ACE: variants seen among roughly 807,000 people sequenced by gnomAD.
ACE encodes angiotensin-converting enzyme.
ACE carries 122 observed loss-of-function variants against 162.3 expected under a neutral mutation model. The observed-to-expected ratio is 0.75, with a 90% CI of 0.65 to 0.87. The LOEUF is 0.87. Ranked by LOEUF, ACE falls within the 40% of genes least tolerant of loss-of-function variation. The probability of loss-of-function intolerance (pLI) is 0.00; values close to 1 mark genes in which losing one functional copy is unlikely to be tolerated. For missense variants in ACE, 1,799 were observed against 1,735.1 expected, an observed-to-expected ratio of 1.04 and a Z score of -0.65; for synonymous variants, 796 against 720.6, an observed-to-expected ratio of 1.10 and a Z score of -1.68.
At chr17:63,489,179 T>C (rs1236373858) in intron 17 of ACE, 47 bp downstream of exon 17, 3 of 1,591,712 alleles carry the variant, frequency 1.9e-6, no homozygotes, top group Non-Finnish European at 2.6e-6. Flanking sequence ...CGGACCACAG[T>C]GTGAGTGAGG....
chr17:63,482,459 G>A lies in ACE; in HGVS notation c.1119-7G>A, dbSNP rs139399357. The A allele has an allele frequency of 3.7e-6, 6 of 1,613,384 alleles. No homozygotes were observed. Among genetic ancestry groups the A allele is most frequent in the Non-Finnish European group, 4.2e-6 (5 of 1,179,772 alleles). ...TCACTCTCACCCTCGCCCTCTCTAC[G>A]CCCCAGGATCAAGCAGTGCACACGG... On this transcript the variant is annotated splice_polypyrimidine_tract_variant and splice_region_variant and intron_variant, in intron 7 of 24. Coordinates refer to ENST00000290866, the MANE Select transcript of ACE (RefSeq NM_000789.4).
Position 63,491,605 on chromosome 17 carries a change from C to A in ACE, c.2912+224C>A, listed in dbSNP as rs541982406. 6.6e-6 allele frequency among the ~76,000 whole-genome samples: 1 copy of A among 152,154 alleles called. No homozygotes were observed. The highest frequency in any genetic ancestry group is 2.1e-4 in the South Asian group (1 of 4,828). On this transcript the variant is annotated intron_variant, in intron 19 of 24. Coordinates refer to ENST00000290866, the MANE Select transcript of ACE (RefSeq NM_000789.4). The surrounding 1 kb of genome is among the most constrained non-coding windows in gnomAD (Gnocchi z 4.4). The stretch of plus-strand genomic sequence containing the variant: ...CACGCAACAGCTCTGTCAGCCTGGC[C>A]GCTGGGAAGTGCTCAAGGTCCCAGT...
chr17:63,484,808 G>A lies in ACE; in HGVS notation c.1921+267G>A, dbSNP rs760384593. 4.6e-6 allele frequency: 7 copies of A among 1,506,438 alleles called. No homozygotes were observed. The highest frequency in any genetic ancestry group is 6.2e-6 in the Non-Finnish European group (7 of 1,127,370). 93.3% of individuals were successfully genotyped at this position (1,506,438 alleles called of 1,614,324 possible). A position where few individuals can be genotyped will look rare whatever the true frequency, so the allele number is the denominator to read the frequency against. ...ACACAAGGCTCTGTGAGGTCACACTGCGGGCTCCGCTCTTATTGGCCAGGG... is the reference window on the plus strand; with the variant it reads ...ACACAAGGCTCTGTGAGGTCACACTACGGGCTCCGCTCTTATTGGCCAGGG... On this transcript the variant is annotated intron_variant, in intron 12 of 24. Transcript: ENST00000290866. The surrounding 1 kb of genome is among the most constrained non-coding windows in gnomAD (Gnocchi z 4.0).
chr17:63,477,815 G>C lies in ACE; in HGVS notation c.250-116G>C, dbSNP rs533907376. 215 of 1,331,022 alleles carry C rather than the reference G, an allele frequency of 1.6e-4. No homozygotes were observed. In the South Asian group the frequency reaches 2.6e-3, roughly 16 times the overall value. 82.5% of individuals were successfully genotyped at this position (1,331,022 alleles called of 1,614,324 possible). On this transcript the variant is annotated intron_variant, in intron 1 of 24. Transcript: ENST00000290866. Reference sequence around the variant, plus strand: ...GGTCTCCCGCAGGGATCTCCCCAGGGCCCGGGCTCTGGAAGCCCTTGGCCT... The same window carrying C: ...GGTCTCCCGCAGGGATCTCCCCAGGCCCCGGGCTCTGGAAGCCCTTGGCCT...
At chr17:63,490,615 G>A in intron 17 of ACE, 1 of 381,858 alleles carries the variant, frequency 2.6e-6, no homozygotes, top group South Asian at 2.2e-5. Context: ...GCCAATAAGA[G>A]GTGGCCACCG....
chr17:63,483,567 G>GCGGGGCC lies in ACE; in HGVS notation c.1586+10_1586+11insGGGGCCC. 1.9e-6 allele frequency: 3 copies of GCGGGGCC among 1,589,556 alleles called. No homozygotes were observed. The highest frequency in any genetic ancestry group is 2.6e-6 in the Non-Finnish European group (3 of 1,165,662). ...GTGACACCATACATCAGGTATTAGC[G>GCGGGGCC]CCCCCACCCCACCCACCCCCAGTAC... On this transcript the variant is annotated intron_variant, in intron 10 of 24. Transcript: ENST00000290866.
intron 22 of ACE, among the ~76,000 whole-genome samples, chr17:63,495,635 T>G (rs553001717): frequency 6.6e-6 from 1 of 152,284 alleles, no homozygotes; most frequent in South Asian, 2.1e-4. Context: ...GCTGGAGTGG[T>G]CCCTGGGGTT....
Position 63,485,182 on chromosome 17 carries a change from A to T in ACE, c.1922-54A>T. 5.6e-6 allele frequency: 9 copies of T among 1,612,958 alleles called. 1 individual carries two copies. Among genetic ancestry groups the T allele is most frequent in the South Asian group, 4.4e-5 (4 of 90,878 alleles). On this transcript the variant is annotated intron_variant, in intron 12 of 24. Coordinates refer to ENST00000290866, the MANE Select transcript of ACE (RefSeq NM_000789.4). ...GATAATGGCTTCTGGTGAGACCACA[A>T]ACCTGGAGAGGGGAGGCAGAGGTTT...
At chr17:63,478,679 G>A (rs1472579054) in intron 2 of ACE, 14 of 416,686 alleles carry the variant, frequency 3.4e-5, no homozygotes, top group East Asian at 3.2e-4. Context: ...AAGAGAGAGA[G>A]AAAAGGTTGA....
chr17:63,486,926 AGGCCCCAGAGAGACC>A, intron 14 of ACE, 45 bp from the exon 15 acceptor site: 1 of 1,525,650 alleles, frequency 6.6e-7, no homozygotes, highest in Non-Finnish European at 9.1e-7. Context: ...GGGGTAGTGC[AGGCCCCAGAGAGACC>A]AAGTGCAAAG....
Position 63,484,263 on chromosome 17 carries a change from G to T in ACE, c.1710-67G>T. The T allele has an allele frequency of 1.3e-6, 2 of 1,526,896 alleles. No individual in the cohort carries two copies. The highest frequency in any genetic ancestry group is 4.8e-5 in the East Asian group (2 of 41,584). 94.6% of individuals were successfully genotyped at this position (1,526,896 alleles called of 1,614,324 possible). A position where few individuals can be genotyped will look rare whatever the true frequency, so the allele number is the denominator to read the frequency against. ...GGGCGGAAGTGGCCAGGGGCATGTG[G>T]GCCGGGGTCCAGGAGCAGACTCCAG... On this transcript the variant is annotated intron_variant, in intron 11 of 24. Transcript: ENST00000290866. This position sits in a 1 kb window ranked among gnomAD's most constrained non-coding sequence, Gnocchi z 4.0.
chr17:63,493,616 C>A lies in ACE; in HGVS notation c.3093C>A (p.His1031Gln). Residue 1031 changes from histidine (H) to glutamine (Q), a missense_variant, in exon 20 of 25, where the codon CAC (histidine) becomes CAA (glutamine). Transcript: ENST00000290866. ...CCCTCTCAGTGTCTACGCCCAAGCACCTGCACAGTCTCAACCTGCTGAGCA... is the reference window on the plus strand; with the variant it reads ...CCCTCTCAGTGTCTACGCCCAAGCAACTGCACAGTCTCAACCTGCTGAGCA... Reference protein sequence around the residue: ...VLALSVSTPKHLHSLNLLSSE... With the variant: ...VLALSVSTPKQLHSLNLLSSE... 6.2e-7 allele frequency: 1 copy of A among 1,614,146 alleles called. No individual in the cohort carries two copies. The highest frequency in any genetic ancestry group is 8.5e-7 in the Non-Finnish European group (1 of 1,180,022).
chr17:63,486,584 C>G lies in ACE; in HGVS notation c.2086C>G (p.His696Asp). The change falls in exon 14 of 25, where the codon CAC becomes GAC. Residue 696 changes from histidine (H) to aspartate (D), a missense_variant. Transcript: ENST00000290866. The stretch of plus-strand genomic sequence containing the variant: ...GCAGAAGAACATGCAAATAGCCAAC[C>G]ACACCCTGAAGTACGGCACCCAGGC... The part of the protein sequence containing the change: ...LLQKNMQIAN[H>D]TLKYGTQARK... 7 of 1,614,232 alleles carry G rather than the reference C, an allele frequency of 4.3e-6. No individual in the cohort carries two copies. The highest frequency in any genetic ancestry group is 5.9e-6 in the Non-Finnish European group (7 of 1,180,056).
At position 63,484,233 on chromosome 17, in the gene ACE, T is replaced by C. The variant is rs13306088; in HGVS notation, c.1710-97T>C. Reference sequence around the variant, plus strand: ...TTATTGCCACAGTTTCTGCAGTCCATTGGGGGGCGGAAGTGGCCAGGGGCA... The same window carrying C: ...TTATTGCCACAGTTTCTGCAGTCCACTGGGGGGCGGAAGTGGCCAGGGGCA... On this transcript the variant is annotated intron_variant, in intron 11 of 24. Transcript: ENST00000290866. The surrounding 1 kb of genome is among the most constrained non-coding windows in gnomAD (Gnocchi z 4.0). 349 of 1,391,464 alleles carry C rather than the reference T, an allele frequency of 2.5e-4. No individual in the cohort carries two copies. The highest frequency in any genetic ancestry group is 1.5e-3 in the East Asian group (59 of 40,126). The allele number at this position is 1,391,464 out of a possible 1,614,324, so 86.2% of individuals were successfully genotyped here.
At chr17:63,482,357 G>T in intron 7 of ACE, 109 bp from the exon 8 acceptor site, 1 of 971,284 alleles carries the variant, frequency 1.0e-6, no homozygotes, top group South Asian at 1.4e-5. Flanking sequence ...CATGCCCCAG[G>T]GCAGCTCCCT....
rs567828872 is a variant in ACE, at chr17:63,483,970, C to T, written c.1708C>T (p.Arg570Trp). 6.2e-5 allele frequency: 100 copies of T among 1,613,344 alleles called. No homozygotes were observed. In the East Asian group the frequency reaches 1.2e-3, roughly 20 times the overall value. Reference protein sequence around the residue: ...YRSTKAGAKLRKVLQAGSSRP... With the variant: ...YRSTKAGAKLWKVLQAGSSRP... ...GTCCACCAAGGCAGGGGCCAAGCTC[C>T]GGTGTGTGGTGGGAAGCCGGGGGAA... The change falls in exon 11 of 25, where the codon CGG becomes TGG. Residue 570 changes from arginine (R) to tryptophan (W), a missense_variant and splice_region_variant. Arg to Trp is a moderately radical substitution (Grantham distance 101). Coordinates refer to ENST00000290866, the MANE Select transcript of ACE (RefSeq NM_000789.4).
rs376308813 is a variant in ACE at position 63,491,411 on chromosome 17, C to T, written c.2912+30C>T. On this transcript the variant is annotated intron_variant, in intron 19 of 24. Coordinates refer to ENST00000290866, the MANE Select transcript of ACE (RefSeq NM_000789.4). The surrounding 1 kb of genome is among the most constrained non-coding windows in gnomAD (Gnocchi z 4.4). ...ATCCAGCTAGGGCTCAGGTCTCGTT[C>T]CTGAGCCCCACGGGCAAGGGAAATG... The T allele has an allele frequency of 4.3e-6, 7 of 1,613,760 alleles. No homozygotes were observed. The highest frequency in any genetic ancestry group is 5.1e-6 in the Non-Finnish European group (6 of 1,179,922).
rs4347 is a variant in ACE, at chr17:63,491,137, C to G, written c.2740-72C>G. Reference sequence around the variant, plus strand: ...GAGTTCCCTCCAGTTTAGCCCTCCCCCGGGATCCCCACGGCAGCACGCAGT... The same window carrying G: ...GAGTTCCCTCCAGTTTAGCCCTCCCGCGGGATCCCCACGGCAGCACGCAGT... On this transcript the variant is annotated intron_variant, in intron 18 of 24. Coordinates refer to ENST00000290866, the MANE Select transcript of ACE (RefSeq NM_000789.4). The surrounding 1 kb of genome is among the most constrained non-coding windows in gnomAD (Gnocchi z 4.4). The G allele has an allele frequency of 2.7e-3, 4,405 of 1,611,114 alleles. 4 individuals carry two copies. Among genetic ancestry groups the G allele is most frequent in the Non-Finnish European group, 3.5e-3 (4,067 of 1,178,444 alleles).
chr17:63,486,327 C>A (rs1438383927), intron 13 of ACE: 2 of 596,934 alleles, frequency 3.4e-6, no homozygotes, highest in East Asian at 2.9e-5. Flanking sequence ...CTCTTCTCTG[C>A]CCCTGCCTGG....
Sources: allele counts gnomAD v4.1 joint callset (sites outside exome capture counted in the v4.1 genomes callset), GRCh38; gene constraint gnomAD v4.1.1; non-coding constraint Gnocchi (gnomAD v3.1); transcripts MANE v1.5; gene names NCBI Gene and HGNC (gene_info 2026-07-23, HGNC 2026-07-21).